USP53: variants seen among roughly 807,000 people sequenced by gnomAD.
The protein encoded by USP53 is ubiquitin carboxyl-terminal hydrolase 53.
In USP53, 71 loss-of-function variants were observed where a neutral mutation model predicts 94.9. The ratio of observed to expected loss-of-function variants is 0.75; its 90% CI spans 0.62 to 0.91. The LOEUF is 0.91. USP53 is among the 40% of genes least tolerant of loss of function. USP53 has a pLI of 0.00. For synonymous variants in USP53, 375 were observed against 422.7 expected, an observed-to-expected ratio of 0.89 and a Z score of 1.39; for missense variants, 1,173 against 1,281.0, an observed-to-expected ratio of 0.92 and a Z score of 1.29.
At position 119,292,776 on chromosome 4, in the gene USP53, T is replaced by C. The variant is rs933316360; in HGVS notation, c.2787T>C (p.Tyr929=). Residue 929 remains tyrosine (Y), a synonymous_variant, in exon 19 of 19, where the codon TAT becomes TAC. Coordinates refer to ENST00000692078, the MANE Select transcript of USP53 (RefSeq NM_001371395.1). ...CACCCCCTTTGCCACCAAAGAAATA[T>C]GCTATAACCAGTGTGCCACAGTCAG... ...NLPPPLPPKK[Y]AITSVPQSEK... 1.9e-6 allele frequency: 3 copies of C among 1,613,964 alleles called. No individual in the cohort carries two copies. The highest frequency in any genetic ancestry group is 1.3e-5 in the African/African-American group (1 of 74,906).
rs190140735 is a variant in USP53, at chr4:119,217,364, G to A, written c.-788-186G>A. On this transcript the variant is annotated intron_variant, in intron 2 of 18. Transcript: ENST00000692078. ...GAGATAATGCTCCTCCTTTGTCAGTGTAGTACTGACACTGACCTACCTGCC... is the reference window on the plus strand; with the variant it reads ...GAGATAATGCTCCTCCTTTGTCAGTATAGTACTGACACTGACCTACCTGCC... Among the ~76,000 whole-genome samples the A allele has an allele frequency of 3.6e-3, 543 of 152,224 alleles. 2 individuals carry two copies. The highest frequency in any genetic ancestry group is 0.012 in the African/African-American group (500 of 41,528).
At chr4:119,279,984 G>A (rs544233469) in intron 17 of USP53, among the ~76,000 whole-genome samples, 76 of 152,248 alleles carry the variant, frequency 5.0e-4, no homozygotes, top group Middle Eastern at 3.4e-3. Flanking sequence ...ACACCCACTG[G>A]CCTGCGCCCA....
In USP53 at chr4:119,239,375, A is replaced by G. The variant is rs141430476; in HGVS notation, c.-385A>G. 1,208 of 189,146 alleles carry G rather than the reference A, an allele frequency of 6.4e-3. 4 individuals are homozygous for G. Among genetic ancestry groups the G allele is most frequent in the Middle Eastern group, 0.017 (9 of 532 alleles). 11.7% of individuals were successfully genotyped at this position (189,146 alleles called of 1,614,324 possible). ...AACTCTACATCTTTTTGTATTATTA[A>G]CATATTTTATGCATCAAGACAAATG... On this transcript the variant is annotated 5_prime_UTR_variant, in exon 5 of 19. Transcript: ENST00000692078.
upstream of USP53, chr4:119,212,697 C>G (rs1457017353): frequency 2.9e-6 from 1 of 342,724 alleles, no homozygotes; most frequent in African/African-American, 2.2e-5. Context: ...CGGCGGAGAC[C>G]AGCCGCCTGT....
intron 17 of USP53, among the ~76,000 whole-genome samples, chr4:119,279,980 A>G (rs1477720489): frequency 6.6e-6 from 1 of 152,068 alleles, no homozygotes; most frequent in African/African-American, 2.4e-5. Context: ...GCGCACACCC[A>G]CTGGCCTGCG....
At position 119,239,658 on chromosome 4, in the gene USP53, C is replaced by T; in HGVS notation, c.-102C>T. The T allele has an allele frequency of 7.7e-7, 1 of 1,299,164 alleles. No individual in the cohort carries two copies. The allele number at this position is 1,299,164 out of a possible 1,614,324, so 80.5% of individuals were successfully genotyped here. A position where few individuals can be genotyped will look rare whatever the true frequency, so the allele number is the denominator to read the frequency against. On this transcript the variant is annotated 5_prime_UTR_variant, in exon 5 of 19. Coordinates refer to ENST00000692078, the MANE Select transcript of USP53 (RefSeq NM_001371395.1). Reference sequence around the variant, plus strand: ...AAACTTACATTATTAAAATAGACTGCAGTGGATTTAATTGGACAATTCAAG... The same window carrying T: ...AAACTTACATTATTAAAATAGACTGTAGTGGATTTAATTGGACAATTCAAG...
chr4:119,229,362 T>C (rs1025992311), intron 3 of USP53, among the ~76,000 whole-genome samples: 2 of 152,354 alleles, frequency 1.3e-5, no homozygotes, highest in African/African-American at 4.8e-5. Context: ...GTTTATATGT[T>C]CATGACTTGA....
At chr4:119,249,010 C>T (rs1748615665) in intron 7 of USP53, 128 bp downstream of exon 7, 6 of 1,125,632 alleles carry the variant, frequency 5.3e-6, no homozygotes, top group Middle Eastern at 3.1e-4. Flanking sequence ...CCAGTAGATC[C>T]ATATCTTACC....
Position 119,239,604 on chromosome 4 carries a change from T to A in USP53, c.-156T>A. On this transcript the variant is annotated 5_prime_UTR_variant, in exon 5 of 19. Coordinates refer to ENST00000692078, the MANE Select transcript of USP53 (RefSeq NM_001371395.1). ...GTTACTTGTCAGAGTCTTTAAGAGT[T>A]TATAACATCAGGAAAGATATGGACT... is the stretch of plus-strand genomic sequence containing the variant. 3 of 858,000 alleles carry A rather than the reference T, an allele frequency of 3.5e-6. No homozygotes were observed. Among genetic ancestry groups the A allele is most frequent in the Non-Finnish European group, 5.1e-6 (3 of 589,190 alleles). The allele number at this position is 858,000 out of a possible 1,614,324, so 53.1% of individuals were successfully genotyped here.
chr4:119,235,677 C>T (rs1369354830), intron 4 of USP53, among the ~76,000 whole-genome samples: 1 of 152,122 alleles, frequency 6.6e-6, no homozygotes, highest in Non-Finnish European at 1.5e-5. Context: ...CACATTTCTC[C>T]TGCCACACTA....
At position 119,239,845 on chromosome 4, in the gene USP53, C is replaced by T. The variant is rs1478871272; in HGVS notation, c.86C>T (p.Thr29Ile). The T allele has an allele frequency of 6.2e-7, 1 of 1,612,436 alleles. No individual in the cohort carries two copies. Among genetic ancestry groups the T allele is most frequent in the Non-Finnish European group, 8.5e-7 (1 of 1,179,214 alleles). The change falls in exon 5 of 19, where the codon ACC becomes ATC. Residue 29 changes from threonine (T) to isoleucine (I), a missense_variant. By Grantham distance (89) the Thr-to-Ile change is moderately conservative. Transcript: ENST00000692078. ...GGAAGTATGCTATCACTAGCCCCTA[C>T]CAAAGGCTTGTTAAATGAACCAGGA... ...QPGSMLSLAP[T>I]KGLLNEPGQN...
At position 119,248,884 on chromosome 4, in the gene USP53, T is replaced by C. The variant is rs1246765133; in HGVS notation, c.372+2T>C. ...ATGGATGATGCTGCGGAGTGCTTTG[T>C]AAGTGTTTCTGATATTCCTTAAGAA... is the stretch of plus-strand genomic sequence containing the variant. On this transcript the variant is annotated splice_donor_variant, in intron 7 of 18. Coordinates refer to ENST00000692078, the MANE Select transcript of USP53 (RefSeq NM_001371395.1). LOFTEE classifies it high-confidence loss of function. 1 of 1,613,662 alleles carries C rather than the reference T, an allele frequency of 6.2e-7. No homozygotes were observed. The highest frequency in any genetic ancestry group is 1.3e-5 in the African/African-American group (1 of 74,914).
At chr4:119,263,259 A>C (rs1750720959) in intron 12 of USP53, among the ~76,000 whole-genome samples, 1 of 152,216 alleles carries the variant, frequency 6.6e-6, no homozygotes, top group Admixed American at 6.5e-5. Flanking sequence ...ATGCAGTTGA[A>C]CAGAGAAAAG....
intron 3 of USP53, among the ~76,000 whole-genome samples, chr4:119,234,571 G>A (rs544771830): frequency 3.9e-5 from 6 of 152,220 alleles, no homozygotes; most frequent in African/African-American, 1.4e-4. Context: ...GTCTAATAAA[G>A]TTTATTGAAA....
chr4:119,262,716 C>G (rs928356694), intron 12 of USP53, among the ~76,000 whole-genome samples: 1 of 152,098 alleles, frequency 6.6e-6, no homozygotes, highest in South Asian at 2.1e-4. Context: ...ATAAGTGAAC[C>G]TGTGCAGTTC....
At chr4:119,236,637 T>A in intron 4 of USP53, among the ~76,000 whole-genome samples, 1 of 152,242 alleles carries the variant, frequency 6.6e-6, no homozygotes, top group East Asian at 1.9e-4. Flanking sequence ...AAGAAACCAC[T>A]TTCTTTGCTC....
chr4:119,229,981 A>G (rs1012908787), intron 3 of USP53, among the ~76,000 whole-genome samples: 4 of 152,272 alleles, frequency 2.6e-5, no homozygotes, highest in Non-Finnish European at 4.4e-5. Context: ...TTTGAAATGC[A>G]TCTCATCCTC....
In USP53 at chr4:119,260,567, A is replaced by G. The variant is rs1175631123; in HGVS notation, c.736A>G (p.Thr246Ala). ...RVLMNCPEIV[T>A]IGLVWDSEHS... ...TTTAATGAATTGCCCAGAGATTGTT[A>G]CAATTGGTTTAGTCTGGGACTCCGA... Residue 246 changes from threonine to alanine, a missense_variant, in exon 11 of 19, where the codon ACA (threonine) becomes GCA (alanine). Physicochemically the swap from Thr to Ala is moderately conservative, Grantham distance 58 (BLOSUM62 0). Transcript: ENST00000692078. The G allele has an allele frequency of 6.2e-7, 1 of 1,614,054 alleles. No homozygotes were observed. The highest frequency in any genetic ancestry group is 8.5e-7 in the Non-Finnish European group (1 of 1,179,960).
chr4:119,239,106 C>A (rs2149322974), intron 4 of USP53, 112 bp from the exon 5 acceptor site: 1 of 152,118 alleles, frequency 6.6e-6, no homozygotes, highest in African/African-American at 2.4e-5. Flanking sequence ...CAGTTCTAAT[C>A]CTTTTTATGA....
Sources: allele counts gnomAD v4.1 joint callset (sites outside exome capture counted in the v4.1 genomes callset), GRCh38; gene constraint gnomAD v4.1.1; transcripts MANE v1.5; gene names NCBI Gene and HGNC (gene_info 2026-07-23, HGNC 2026-07-21).